Variants in DENND6A observed in about 807,000 individuals in gnomAD.
DENND6A encodes protein DENND6A.
In DENND6A, 43 loss-of-function variants were observed where a neutral mutation model predicts 95.5. The observed-to-expected ratio is 0.45, with a 90% CI of 0.35 to 0.58. The LOEUF (loss-of-function observed/expected upper bound fraction) is 0.58. DENND6A is among the 20% of genes least tolerant of loss of function. DENND6A has a pLI of 0.00. For missense variants in DENND6A, 574 were observed against 736.0 expected (o/e 0.78, Z 2.55); for synonymous variants, 257 against 260.4 (o/e 0.99, Z 0.13).
In DENND6A at chr3:57,631,968, C is replaced by T. The variant is rs1346191928; in HGVS notation, c.1354-990G>A. On this transcript the variant is annotated intron_variant, in intron 15 of 19. Coordinates refer to ENST00000311128, the MANE Select transcript of DENND6A (RefSeq NM_152678.3). ...TGATCTCCTGACCTCGTGATCCGCC[C>T]GCCTCGGCCTCCCAAAGTGCTGGGA... Among the ~76,000 whole-genome samples the T allele has an allele frequency of 9.5e-5, 14 of 146,646 alleles. No homozygotes were observed. In the East Asian group the frequency reaches 1.4e-3, roughly 15 times the overall value.
chr3:57,634,921 G>A, intron 12 of DENND6A, 152 bp from the exon 13 acceptor site: 1 of 554,810 alleles, frequency 1.8e-6, no homozygotes, highest in Non-Finnish European at 2.9e-6. Flanking sequence ...GTTCATTCTT[G>A]GTATTTTAAA....
chr3:57,651,097 T>C (rs2071200487), intron 9 of DENND6A, among the ~76,000 whole-genome samples: 1 of 152,156 alleles, frequency 6.6e-6, no homozygotes, highest in South Asian at 2.1e-4. Flanking sequence ...CCACATGGAA[T>C]ATTATTCAAC....
intron 1 of DENND6A, among the ~76,000 whole-genome samples, chr3:57,690,574 C>T (rs1307044150): frequency 6.6e-6 from 1 of 151,754 alleles, no homozygotes; most frequent in African/African-American, 2.4e-5. Flanking sequence ...GTCCCAGCTA[C>T]TTGGCAGGCT....
chr3:57,647,431 G>A (rs888689211), intron 9 of DENND6A, among the ~76,000 whole-genome samples: 1 of 152,130 alleles, frequency 6.6e-6, no homozygotes, highest in Non-Finnish European at 1.5e-5. Context: ...CCAGGGAGGC[G>A]TGTCAGAGCT....
chr3:57,663,679 C>G lies in DENND6A; in HGVS notation c.470G>C (p.Arg157Pro). The change falls in exon 5 of 20, where the codon CGA becomes CCA. Residue 157 changes from arginine to proline, a missense_variant. By Grantham distance (103) the Arg-to-Pro change is moderately radical (BLOSUM62 -2). Transcript: ENST00000311128. ...PAYFYGYVYFRQVRDKTLKRG... is the reference protein window; with the variant it reads ...PAYFYGYVYFPQVRDKTLKRG... ...TTTTAGAGTTTTATCTCGAACTTGT[C>G]GGAAATACACATATCCATAAAAATA... 6.3e-7 allele frequency: 1 copy of G among 1,581,834 alleles called. No homozygotes were observed. The highest frequency in any genetic ancestry group is 2.3e-5 in the East Asian group (1 of 43,478).
At chr3:57,647,179 A>C (rs149018044) in intron 9 of DENND6A, among the ~76,000 whole-genome samples, 293 of 152,354 alleles carry the variant, frequency 1.9e-3, no homozygotes, top group African/African-American at 6.7e-3. Context: ...CAAATAAAAA[A>C]GAAAAGAAAA....
intron 3 of DENND6A, among the ~76,000 whole-genome samples, chr3:57,668,595 C>A (rs964855022): frequency 6.6e-6 from 1 of 152,136 alleles, no homozygotes; most frequent in Non-Finnish European, 1.5e-5. Context: ...AAACAAAAAA[C>A]TGAAACCTAA....
In DENND6A at chr3:57,673,229, A is replaced by AAG. The variant is rs1255745613; in HGVS notation, c.238-792_238-791insCT. 1.0e-4 allele frequency among the ~76,000 whole-genome samples: 15 copies of AAG among 149,904 alleles called. No homozygotes were observed. In the East Asian group the frequency reaches 1.4e-3, roughly 14 times the overall value. ...ATTTCGTATCAAAAAAAAAAAAAAAAAAAGAAAGAAAAAGAAAAAAAAAAA... is the reference window on the plus strand; with the variant it reads ...ATTTCGTATCAAAAAAAAAAAAAAAAAGAAAGAAAGAAAAAGAAAAAAAAAAA... On this transcript the variant is annotated intron_variant, in intron 1 of 19. Transcript: ENST00000311128.
intron 1 of DENND6A, among the ~76,000 whole-genome samples, chr3:57,672,708 G>A (rs1270013204): frequency 2.0e-5 from 3 of 151,900 alleles, no homozygotes; most frequent in South Asian, 2.1e-4. Flanking sequence ...ACTTGAACCC[G>A]GGAGACAGAG....
At chr3:57,658,109 G>A (rs1483874797) in intron 8 of DENND6A, among the ~76,000 whole-genome samples, 4 of 148,926 alleles carry the variant, frequency 2.7e-5, no homozygotes, top group East Asian at 4.0e-4. Context: ...GGGGGCAGGC[G>A]CCTGTAGTCC....
intron 1 of DENND6A, among the ~76,000 whole-genome samples, chr3:57,692,501 T>G (rs547692199): frequency 2.6e-5 from 4 of 152,294 alleles, no homozygotes; most frequent in African/African-American, 9.6e-5. Flanking sequence ...TAGTTAATTC[T>G]GTGACTCTGC....
chr3:57,687,664 C>T (rs1259414661), intron 1 of DENND6A, among the ~76,000 whole-genome samples: 2 of 152,016 alleles, frequency 1.3e-5, no homozygotes, highest in Non-Finnish European at 2.9e-5. Flanking sequence ...CAGGTGTGGT[C>T]GCTCATGTCT....
intron 6 of DENND6A, 84 bp downstream of exon 6, chr3:57,661,362 A>C: frequency 1.9e-6 from 2 of 1,060,950 alleles, no homozygotes; most frequent in Non-Finnish European, 2.6e-6. Context: ...ATTTTTATAA[A>C]TTGTTATAAA....
chr3:57,654,736 G>T (rs774114333), intron 9 of DENND6A: 1 of 985,320 alleles, frequency 1.0e-6, no homozygotes, highest in Non-Finnish European at 1.2e-6. Flanking sequence ...TTGACCTAGT[G>T]AAAGGAGCGC....
At chr3:57,643,405 TC>T (rs2070993745) in intron 11 of DENND6A, among the ~76,000 whole-genome samples, 1 of 151,918 alleles carries the variant, frequency 6.6e-6, no homozygotes, top group South Asian at 2.1e-4. Context: ...GCTTAAAACA[TC>T]CCCCTCCCCC....
intron 5 of DENND6A, among the ~76,000 whole-genome samples, chr3:57,662,812 A>AT (rs1339623187): frequency 6.6e-6 from 1 of 151,836 alleles, no homozygotes; most frequent in Non-Finnish European, 1.5e-5. Flanking sequence ...AATAATAATA[A>AT]AAAAAAGATA....
intron 3 of DENND6A, among the ~76,000 whole-genome samples, chr3:57,671,031 C>T (rs2153416337): frequency 6.6e-6 from 1 of 152,132 alleles, no homozygotes; most frequent in East Asian, 1.9e-4. Context: ...CAGAAAAAAC[C>T]CCTTACTGGG....
intron 6 of DENND6A, among the ~76,000 whole-genome samples, chr3:57,661,239 CA>C (rs1335253536): frequency 6.6e-6 from 1 of 152,134 alleles, no homozygotes; most frequent in Non-Finnish European, 1.5e-5. Context: ...CAGGCATCAT[CA>C]AAGTAGTTAA....
At chr3:57,683,344 T>C (rs140280861) in intron 1 of DENND6A, among the ~76,000 whole-genome samples, 2 of 152,356 alleles carry the variant, frequency 1.3e-5, no homozygotes, top group South Asian at 2.1e-4. Context: ...AGGCACTGTA[T>C]TGTATCAATT....
Sources: allele counts gnomAD v4.1 joint callset (sites outside exome capture counted in the v4.1 genomes callset), GRCh38; gene constraint gnomAD v4.1.1; transcripts MANE v1.5; gene names NCBI Gene and HGNC (gene_info 2026-07-23, HGNC 2026-07-21).